HPSE2: variants seen among roughly 807,000 people sequenced by gnomAD.
The protein encoded by HPSE2 is inactive heparanase-2.
Under a neutral mutation model 60.5 loss-of-function variants are expected in HPSE2, and 38 were observed. The observed-to-expected ratio is 0.63, with a 90% CI of 0.48 to 0.82. The LOEUF is 0.82. HPSE2 is among the 40% of genes least tolerant of loss of function. The probability of loss-of-function intolerance (pLI) is 0.00; values close to 1 mark genes in which losing one functional copy is unlikely to be tolerated. For synonymous variants in HPSE2, 295 were observed against 293.2 expected (o/e 1.01, Z -0.06); for missense variants, 713 against 740.4 (o/e 0.96, Z 0.43).
intron 11 of HPSE2, among the ~76,000 whole-genome samples, chr10:98,460,049 A>C (rs1940220234): frequency 6.6e-6 from 1 of 151,996 alleles, no homozygotes; most frequent in South Asian, 2.1e-4. Context: ...CAGGTAGTCT[A>C]CCTCCATAGA....
intron 3 of HPSE2, among the ~76,000 whole-genome samples, chr10:98,949,000 T>C (rs973679782): frequency 2.6e-5 from 4 of 152,096 alleles, no homozygotes; most frequent in African/African-American, 9.7e-5. Context: ...TATTAATAGA[T>C]AAGTTTTGGG....
intron 9 of HPSE2, among the ~76,000 whole-genome samples, chr10:98,564,643 A>C (rs563852923): frequency 8.5e-5 from 13 of 152,328 alleles, no homozygotes; most frequent in Admixed American, 4.6e-4. Context: ...TATTGTTTCC[A>C]TTAATTTTAC....
intron 2 of HPSE2, among the ~76,000 whole-genome samples, chr10:99,168,669 T>C (rs1416292593): frequency 2.0e-5 from 3 of 152,166 alleles, no homozygotes; most frequent in Non-Finnish European, 2.9e-5. Flanking sequence ...GTTATCAGAA[T>C]ATCAGAATTT....
chr10:99,300,371 G>A, the HPSE2 span, among the ~76,000 whole-genome samples: 1 of 152,132 alleles, frequency 6.6e-6, no homozygotes. Flanking sequence ...ACTCCTGATG[G>A]AACAGGCAAA....
intron 3 of HPSE2, among the ~76,000 whole-genome samples, chr10:99,122,991 T>TA (rs1274455858): frequency 6.6e-6 from 1 of 152,110 alleles, no homozygotes; most frequent in Non-Finnish European, 1.5e-5. Context: ...TATAATATAA[T>TA]ATATAACATC....
chr10:98,807,316 G>A (rs1951065595), intron 3 of HPSE2, among the ~76,000 whole-genome samples: 1 of 152,042 alleles, frequency 6.6e-6, no homozygotes, highest in African/African-American at 2.4e-5. Flanking sequence ...ATATTGCTGT[G>A]TCTGCTAGTC....
chr10:98,767,527 C>A (rs905343770), intron 3 of HPSE2, among the ~76,000 whole-genome samples: 1 of 146,498 alleles, frequency 6.8e-6, no homozygotes, highest in African/African-American at 2.5e-5. Flanking sequence ...ACTATATATA[C>A]TATATATATT....
chr10:98,768,395 G>A (rs1950171738), intron 3 of HPSE2, among the ~76,000 whole-genome samples: 1 of 152,110 alleles, frequency 6.6e-6, no homozygotes, highest in Admixed American at 6.6e-5. Flanking sequence ...GCTTTTCACC[G>A]TGAGCTCCTC....
At chr10:98,617,935 C>T (rs1945960908) in intron 8 of HPSE2, among the ~76,000 whole-genome samples, 1 of 152,124 alleles carries the variant, frequency 6.6e-6, no homozygotes, top group Admixed American at 6.5e-5. Flanking sequence ...TCCTGGTGAA[C>T]TCAGAGTTAC....
chr10:99,305,979 G>GCGCGCGCGCGCGCGCACACACACA, the HPSE2 span, among the ~76,000 whole-genome samples: 7 of 80,576 alleles, frequency 8.7e-5, no homozygotes, highest in Non-Finnish European at 1.4e-4. Context: ...GCGCGCGCGC[G>GCGCGCGCGCGCGCGCACACACACA]CACACACACA....
chr10:99,038,107 T>C (rs2135467054), intron 3 of HPSE2, among the ~76,000 whole-genome samples: 1 of 152,108 alleles, frequency 6.6e-6, no homozygotes, highest in South Asian at 2.1e-4. Flanking sequence ...CTTTGGAAAA[T>C]AGTTTGGCAG....
At position 99,089,624 on chromosome 10, in the gene HPSE2, C is replaced by A. The variant is rs533430829; in HGVS notation, c.610+54614G>T. On this transcript the variant is annotated intron_variant, in intron 3 of 11. Coordinates refer to ENST00000370552, the MANE Select transcript of HPSE2 (RefSeq NM_021828.5). ...GTAATGTAATGCCTCCAAGTTTGTT[C>A]TTTTTGCTTAGTCTTGCTTTAGCTA... Among the ~76,000 whole-genome samples the A allele has an allele frequency of 1.1e-4, 16 of 152,190 alleles. No individual in the cohort carries two copies. The South Asian group carries it at 3.3e-3, about 32-fold the overall frequency.
chr10:98,912,193 C>T (rs1953997260), intron 3 of HPSE2, among the ~76,000 whole-genome samples: 1 of 152,062 alleles, frequency 6.6e-6, no homozygotes, highest in Admixed American at 6.6e-5. Flanking sequence ...GGAAAAAATC[C>T]TATATTTAGC....
chr10:99,094,645 C>T (rs1337134288), intron 3 of HPSE2, among the ~76,000 whole-genome samples: 14 of 143,812 alleles, frequency 9.7e-5, no homozygotes, highest in Non-Finnish European at 1.6e-4. Flanking sequence ...CAACCTCTAC[C>T]TCCCAAGCTC....
intron 3 of HPSE2, among the ~76,000 whole-genome samples, chr10:98,759,926 G>A (rs1234273641): frequency 6.6e-6 from 1 of 151,760 alleles, no homozygotes; most frequent in African/African-American, 2.4e-5. Flanking sequence ...ATAAACATGG[G>A]TATCTTCCCA....
intron 11 of HPSE2, among the ~76,000 whole-genome samples, chr10:98,466,560 G>A (rs1345646008): frequency 1.5e-4 from 22 of 149,668 alleles, no homozygotes; most frequent in Admixed American, 1.4e-3. Context: ...GCAGTGAGCC[G>A]AGATTGCACC....
At chr10:99,013,155 C>T (rs534143081) in intron 3 of HPSE2, 19 of 673,834 alleles carry the variant, frequency 2.8e-5, no homozygotes, top group African/African-American at 2.5e-4. Flanking sequence ...CAATCCCTCA[C>T]CAGTTAGAGA....
chr10:99,120,389 C>T (rs1006689350), intron 3 of HPSE2, among the ~76,000 whole-genome samples: 5 of 152,100 alleles, frequency 3.3e-5, no homozygotes, highest in Non-Finnish European at 7.4e-5. Flanking sequence ...AATAAGATAC[C>T]ATTTCAAAGA....
chr10:98,887,881 A>T (rs2134913771), intron 3 of HPSE2, among the ~76,000 whole-genome samples: 1 of 151,518 alleles, frequency 6.6e-6, no homozygotes, highest in Non-Finnish European at 1.5e-5. Context: ...GCACACCCTC[A>T]ATAAGGTACA....
Sources: allele counts gnomAD v4.1 joint callset (sites outside exome capture counted in the v4.1 genomes callset), GRCh38; gene constraint gnomAD v4.1.1; transcripts MANE v1.5; gene names NCBI Gene and HGNC (gene_info 2026-07-23, HGNC 2026-07-21).